Variants in LDB2 observed in about 807,000 individuals in gnomAD.
LDB2 encodes LIM domain binding 2.
A neutral mutation model predicts 44.3 loss-of-function variants in LDB2; 12 were observed. The observed-to-expected ratio is 0.27, with a 90% confidence interval of 0.17 to 0.44. The LOEUF (loss-of-function observed/expected upper bound fraction) is 0.44. Ranked by LOEUF, LDB2 falls within the 20% of genes least tolerant of loss-of-function variation. LDB2 has a pLI of 1.00. For missense variants in LDB2, 344 were observed against 473.5 expected, an observed-to-expected ratio of 0.73 and a Z score of 2.54; for synonymous variants, 164 against 174.8, an observed-to-expected ratio of 0.94 and a Z score of 0.49.
chr4:16,847,585 T>C (rs1264705136), intron 1 of LDB2, among the ~76,000 whole-genome samples: 1 of 146,478 alleles, frequency 6.8e-6, no homozygotes, highest in African/African-American at 2.5e-5. Context: ...TGGTAAAGGT[T>C]CTTTAACACA....
At chr4:16,837,291 A>G (rs1226855369) in intron 1 of LDB2, among the ~76,000 whole-genome samples, 1 of 152,208 alleles carries the variant, frequency 6.6e-6, no homozygotes, top group Non-Finnish European at 1.5e-5. Context: ...ACTACCATAT[A>G]TATTTAATGA....
intron 5 of LDB2, among the ~76,000 whole-genome samples, chr4:16,578,138 C>A (rs1712558854): frequency 6.6e-6 from 1 of 152,208 alleles, no homozygotes; most frequent in South Asian, 2.1e-4. Context: ...GGAAACTCTC[C>A]ACGACTTTGG....
chr4:16,825,623 A>G (rs1334591595), intron 1 of LDB2, among the ~76,000 whole-genome samples: 2 of 152,112 alleles, frequency 1.3e-5, no homozygotes, highest in African/African-American at 4.8e-5. Flanking sequence ...AACTGAGCCC[A>G]GGTTTACAAT....
At chr4:16,661,473 C>A (rs1741571714) in intron 2 of LDB2, among the ~76,000 whole-genome samples, 1 of 152,182 alleles carries the variant, frequency 6.6e-6, no homozygotes, top group East Asian at 1.9e-4. Flanking sequence ...TTAATCCCAC[C>A]ATGCTGCAGT....
At chr4:16,602,296 GGTGA>G (rs1218310996) in intron 2 of LDB2, among the ~76,000 whole-genome samples, 1 of 152,154 alleles carries the variant, frequency 6.6e-6, no homozygotes, top group African/African-American at 2.4e-5. Context: ...TGATGATGGA[GGTGA>G]GTCCCAATTG....
At chr4:16,647,935 T>C (rs1014614859) in intron 2 of LDB2, among the ~76,000 whole-genome samples, 3 of 152,204 alleles carry the variant, frequency 2.0e-5, no homozygotes, top group African/African-American at 7.2e-5. Context: ...TTATTCAGCT[T>C]TCTCCTATGC....
At chr4:16,798,953 C>A (rs1008893725) in intron 1 of LDB2, among the ~76,000 whole-genome samples, 1 of 152,170 alleles carries the variant, frequency 6.6e-6, no homozygotes, top group Non-Finnish European at 1.5e-5. Flanking sequence ...CGGGTTCACG[C>A]CATTCTCCTG....
intron 2 of LDB2, among the ~76,000 whole-genome samples, chr4:16,701,315 T>G (rs761285585): frequency 5.3e-5 from 8 of 152,104 alleles, no homozygotes; most frequent in Non-Finnish European, 1.2e-4. Flanking sequence ...CAACACCCAT[T>G]TTGCTCCCAG....
chr4:16,855,210 TGA>T (rs957967686), intron 1 of LDB2, among the ~76,000 whole-genome samples: 19 of 152,246 alleles, frequency 1.2e-4, no homozygotes, highest in Admixed American at 2.0e-4. Context: ...GACACTGCAC[TGA>T]GAGTGCACAG....
chr4:16,727,267 A>G (rs1759707549), intron 2 of LDB2, among the ~76,000 whole-genome samples: 1 of 152,206 alleles, frequency 6.6e-6, no homozygotes, highest in South Asian at 2.1e-4. Flanking sequence ...TCCTAGGAGA[A>G]GAGCAGGGGA....
At chr4:16,553,892 T>A (rs529570904) in intron 5 of LDB2, among the ~76,000 whole-genome samples, 141 of 152,250 alleles carry the variant, frequency 9.3e-4, no homozygotes, top group African/African-American at 3.2e-3. Context: ...CCCACATAGC[T>A]AGTGACTGGC....
intron 2 of LDB2, among the ~76,000 whole-genome samples, chr4:16,625,612 TG>T (rs1730074994): frequency 6.6e-6 from 1 of 152,158 alleles, no homozygotes; most frequent in Non-Finnish European, 1.5e-5. Context: ...GCTTCTCAAC[TG>T]CGAAAAACAC....
chr4:16,804,054 ATGC>A (rs1489019077), intron 1 of LDB2, among the ~76,000 whole-genome samples: 2 of 152,188 alleles, frequency 1.3e-5, no homozygotes, highest in Non-Finnish European at 2.9e-5. Context: ...TGTTGATTGC[ATGC>A]TGAAGAAAGT....
At chr4:16,642,493 C>A (rs562334307) in intron 2 of LDB2, among the ~76,000 whole-genome samples, 1 of 152,090 alleles carries the variant, frequency 6.6e-6, no homozygotes, top group Non-Finnish European at 1.5e-5. Context: ...TGATCAAATA[C>A]CAGAAGGAGA....
intron 2 of LDB2, among the ~76,000 whole-genome samples, chr4:16,743,621 G>A (rs764381128): frequency 2.6e-4 from 39 of 152,002 alleles, no homozygotes; most frequent in African/African-American, 8.5e-4. Flanking sequence ...AAAAAGACAA[G>A]CTGCTTGTTG....
chr4:16,573,526 C>A (rs1038017493), intron 5 of LDB2, among the ~76,000 whole-genome samples: 1 of 152,186 alleles, frequency 6.6e-6, no homozygotes, highest in Non-Finnish European at 1.5e-5. Context: ...AGTTCTTATT[C>A]TCATTTTCTG....
intron 1 of LDB2, among the ~76,000 whole-genome samples, chr4:16,853,328 G>A (rs1158928245): frequency 6.6e-6 from 1 of 152,100 alleles, no homozygotes; most frequent in Non-Finnish European, 1.5e-5. Context: ...CAGAAGACCT[G>A]AATAGACATT....
At chr4:16,630,268 G>C (rs1462720903) in intron 2 of LDB2, among the ~76,000 whole-genome samples, 1 of 152,218 alleles carries the variant, frequency 6.6e-6, no homozygotes. Flanking sequence ...CCAGAAGAGA[G>C]TGGGGGCCAA....
At chr4:16,691,791 T>C (rs1750826667) in intron 2 of LDB2, among the ~76,000 whole-genome samples, 1 of 152,222 alleles carries the variant, frequency 6.6e-6, no homozygotes, top group African/African-American at 2.4e-5. Context: ...CATTTTCTTC[T>C]CATGATGACC....
Sources: gnomAD v4.1 joint callset for allele counts (sites outside exome capture counted in the v4.1 genomes callset) on GRCh38, gnomAD v4.1.1 for gene constraint, MANE v1.5 for transcripts, NCBI Gene and HGNC (gene_info 2026-07-23, HGNC 2026-07-21) for gene names.